The following VAC14 variants were observed in gnomAD, a reference collection of about 807,000 sequenced individuals.
VAC14 encodes protein VAC14 homolog.
In VAC14, 47 loss-of-function variants were observed where a neutral mutation model predicts 85.3. The ratio of observed to expected loss-of-function variants is 0.55; its 90% CI spans 0.44 to 0.70. The LOEUF (loss-of-function observed/expected upper bound fraction) is 0.70. Among genes scored for constraint, VAC14 ranks in the 30% least tolerant of loss-of-function variants. The pLI, the probability that VAC14 is intolerant of heterozygous loss-of-function variation, is 0.00. For synonymous variants in VAC14, 447 were observed against 430.5 expected, an observed-to-expected ratio of 1.04 and a Z score of -0.47; for missense variants, 861 against 1,004.3, an observed-to-expected ratio of 0.86 and a Z score of 1.93.
chr16:70,800,677 G>T (rs779821587), intron 1 of VAC14, 120 bp downstream of exon 1: 1 of 771,890 alleles, frequency 1.3e-6, no homozygotes, highest in South Asian at 1.7e-5. Context: ...TAAACACTGC[G>T]CTAAGGTAAG....
chr16:70,781,268 G>A (rs113893005), intron 8 of VAC14, among the ~76,000 whole-genome samples: 8 of 152,324 alleles, frequency 5.3e-5, no homozygotes, highest in African/African-American at 1.9e-4. Context: ...AAGCCAAGCA[G>A]ATGCTGGCAC....
chr16:70,688,138 G>A (rs751783653), intron 18 of VAC14, 48 bp from the exon 19 acceptor site: 89 of 1,456,214 alleles, frequency 6.1e-5, no homozygotes, highest in Non-Finnish European at 7.6e-5. Context: ...CAGCTCACAG[G>A]GGGGTTACTG....
At chr16:70,778,236 G>A (rs1227769554) in intron 9 of VAC14, among the ~76,000 whole-genome samples, 1 of 152,174 alleles carries the variant, frequency 6.6e-6, no homozygotes, top group African/African-American at 2.4e-5. Context: ...TCAAACCCGG[G>A]CCTCCCGCGT....
chr16:70,690,198 C>T, intron 18 of VAC14: 6 of 985,486 alleles, frequency 6.1e-6, no homozygotes, highest in Non-Finnish European at 7.2e-6. Flanking sequence ...AGAAGTCCTG[C>T]TCCCTGTGAT....
chr16:70,695,592 C>T lies in VAC14; in HGVS notation c.1987G>A (p.Ala663Thr), dbSNP rs190751684. 27 of 1,613,848 alleles carry T rather than the reference C, an allele frequency of 1.7e-5. 1 individual carries two copies. The highest frequency in any genetic ancestry group is 1.2e-4 in the Admixed American group (7 of 60,018). Reference sequence around the variant, plus strand: ...AGCTGCACCAGCTTGTCCACCTCTGCGAGGAAGTCCACGGTGACCTCCAGG... The same window carrying T: ...AGCTGCACCAGCTTGTCCACCTCTGTGAGGAAGTCCACGGTGACCTCCAGG... The part of the protein sequence containing the change: ...GDLEVTVDFL[A>T]EVDKLVQLIE... Residue 663 changes from alanine to threonine, a missense_variant, in exon 17 of 19, where the codon GCA becomes ACA. This residue lies in a region of VAC14 where 163 missense variants were observed against 162.2 expected (regional missense o/e 1.00). Transcript: ENST00000261776.
intron 9 of VAC14, chr16:70,772,965 A>C (rs1448287722): frequency 6.6e-6 from 1 of 152,248 alleles, no homozygotes; most frequent in African/African-American, 2.4e-5. Context: ...AAGTGAAAGA[A>C]GCCAGTCATA....
At chr16:70,727,623 C>T (rs1292395205) in intron 14 of VAC14, among the ~76,000 whole-genome samples, 1 of 152,240 alleles carries the variant, frequency 6.6e-6, no homozygotes, top group African/African-American at 2.4e-5. Flanking sequence ...CAGGCATGAG[C>T]CACTGCACCC....
chr16:70,744,328 C>A, intron 13 of VAC14, 95 bp downstream of exon 13: 2 of 1,525,446 alleles, frequency 1.3e-6, no homozygotes, highest in Non-Finnish European at 1.8e-6. Flanking sequence ...CTCCAGAGCT[C>A]CTGAGCAACA....
intron 10 of VAC14, among the ~76,000 whole-genome samples, chr16:70,764,530 C>T (rs544162701): frequency 5.9e-5 from 9 of 152,286 alleles, no homozygotes; most frequent in South Asian, 2.1e-4. Context: ...TCCACTGTCC[C>T]GCAGAAATAC....
chr16:70,719,730 G>C (rs887027710), intron 14 of VAC14, among the ~76,000 whole-genome samples: 2 of 152,172 alleles, frequency 1.3e-5, no homozygotes, highest in African/African-American at 2.4e-5. Context: ...ACCAAGTGTT[G>C]GTGAGGACGT....
At chr16:70,707,622 G>T (rs1420857912) in intron 14 of VAC14, among the ~76,000 whole-genome samples, 1 of 152,108 alleles carries the variant, frequency 6.6e-6, no homozygotes. Flanking sequence ...AGCCCCCCAG[G>T]ATTAGCAGGT....
Position 70,695,558 on chromosome 16 carries a change from C to T in VAC14, c.2021G>A (p.Cys674Tyr). The T allele has an allele frequency of 6.2e-7, 1 of 1,613,956 alleles. No individual in the cohort carries two copies. Among genetic ancestry groups the T allele is most frequent in the Non-Finnish European group, 8.5e-7 (1 of 1,179,938 alleles). Residue 674 changes from cysteine (C) to tyrosine (Y), a missense_variant, in exon 17 of 19, where the codon TGC becomes TAC. Coordinates refer to ENST00000261776, the MANE Select transcript of VAC14 (RefSeq NM_018052.5). ...EVDKLVQLIE[C>Y]PIFTYLRLQL... ...GTGGTTCTTACATGTGAAGATGGGG[C>T]ACTCAATCAGCTGCACCAGCTTGTC...
intron 14 of VAC14, chr16:70,715,384 G>A (rs1001578187): frequency 6.6e-6 from 1 of 152,278 alleles, no homozygotes; most frequent in African/African-American, 2.4e-5. Flanking sequence ...TAACCCTGGC[G>A]GGCAGGGACT....
intron 12 of VAC14, among the ~76,000 whole-genome samples, chr16:70,748,734 G>A (rs779060949): frequency 3.1e-4 from 47 of 152,162 alleles, no homozygotes; most frequent in Non-Finnish European, 5.4e-4. Context: ...ATCACCTGAC[G>A]TCAGGAATTC....
intron 1 of VAC14, among the ~76,000 whole-genome samples, chr16:70,791,647 A>G (rs2034344992): frequency 6.6e-6 from 1 of 152,148 alleles, no homozygotes; most frequent in South Asian, 2.1e-4. Context: ...TGGCCTCGTA[A>G]GTGCTGGGAT....
At chr16:70,727,685 G>A (rs1567543391) in intron 14 of VAC14, among the ~76,000 whole-genome samples, 1 of 152,218 alleles carries the variant, frequency 6.6e-6, no homozygotes, top group Non-Finnish European at 1.5e-5. Flanking sequence ...GAAGTGCAAT[G>A]GAGAAGCAGG....
At chr16:70,776,426 G>A (rs984634851) in intron 9 of VAC14, among the ~76,000 whole-genome samples, 2 of 152,088 alleles carry the variant, frequency 1.3e-5, no homozygotes, top group African/African-American at 4.8e-5. Flanking sequence ...TTACATAAAG[G>A]ATTAATGGCC....
intron 12 of VAC14, among the ~76,000 whole-genome samples, chr16:70,745,869 G>C (rs1437069758): frequency 6.6e-6 from 1 of 152,230 alleles, no homozygotes; most frequent in East Asian, 1.9e-4. Context: ...AGAGCCTGAT[G>C]GGCAGGGCCA....
rs1171314042 is a variant in VAC14, at chr16:70,740,111, C to A, written c.1528+4312G>T. On this transcript the variant is annotated intron_variant, in intron 13 of 18. Coordinates refer to ENST00000261776, the MANE Select transcript of VAC14 (RefSeq NM_018052.5). ...GAGTAGCTGGGATTACAGGCACGCA[C>A]CACTACGCCCAGCTAAATTTTGTAT... Among the ~76,000 whole-genome samples, 3 of 152,110 alleles carry A rather than the reference C, an allele frequency of 2.0e-5. No individual in the cohort carries two copies. The East Asian group carries it at 5.8e-4, about 29-fold the overall frequency.
Sources: allele counts gnomAD v4.1 joint callset (sites outside exome capture counted in the v4.1 genomes callset), GRCh38; gene constraint gnomAD v4.1.1; regional missense constraint gnomAD v4.1.1; transcripts MANE v1.5; gene names NCBI Gene and HGNC (gene_info 2026-07-23, HGNC 2026-07-21).